CTNND2: variants seen among roughly 807,000 people sequenced by gnomAD.
CTNND2 encodes the protein catenin delta 2.
In CTNND2, 22 loss-of-function variants were observed where a neutral mutation model predicts 144.4. The observed-to-expected ratio is 0.15, with a 90% CI of 0.11 to 0.22. The LOEUF is 0.22. Ranked by LOEUF, CTNND2 falls within the 10% of genes least tolerant of loss-of-function variation. CTNND2 has a pLI of 1.00. For synonymous variants in CTNND2, 751 were observed against 695.6 expected (o/e 1.08, Z -1.25); for missense variants, 1,353 against 1,618.8 (o/e 0.84, Z 2.82).
chr5:11,541,165 G>A (rs1296199000), intron 3 of CTNND2, among the ~76,000 whole-genome samples: 1 of 152,164 alleles, frequency 6.6e-6, no homozygotes, highest in Admixed American at 6.5e-5. Context: ...TACTCCAAGA[G>A]CTGTAGACCC....
intron 2 of CTNND2, among the ~76,000 whole-genome samples, chr5:11,599,891 G>A (rs777583287): frequency 6.6e-6 from 1 of 151,966 alleles, no homozygotes; most frequent in Non-Finnish European, 1.5e-5. Context: ...CTCTTCTGTC[G>A]GCATTCTATG....
In CTNND2 at chr5:11,384,874, G is replaced by C; in HGVS notation, c.968C>G (p.Ser323Trp). Residue 323 changes from serine to tryptophan, a missense_variant, in exon 7 of 22, where the codon TCG becomes TGG. By Grantham distance (177) the Ser-to-Trp change is radical. Transcript: ENST00000304623. This position sits in a 1 kb window ranked among gnomAD's most constrained non-coding sequence, Gnocchi z 5.2. ...CACGCGGATCGGGGACAGGCCGGCC[G>C]AGGACACGACGATGTTGATGGGCGA... is the stretch of plus-strand genomic sequence containing the variant. ...TSSPINIVVS[S>W]AGLSPIRVTS... The C allele has an allele frequency of 6.2e-7, 1 of 1,612,028 alleles. No individual in the cohort carries two copies. The highest frequency in any genetic ancestry group is 8.5e-7 in the Non-Finnish European group (1 of 1,179,392).
rs989933743 is a variant in CTNND2 at position 10,994,944 on chromosome 5, C to T, written c.3085-2267G>A. 3.3e-5 allele frequency among the ~76,000 whole-genome samples: 5 copies of T among 151,982 alleles called. 1 individual carries two copies. Among genetic ancestry groups the T allele is most frequent in the South Asian group, 4.2e-4 (2 of 4,818 alleles). Reference sequence around the variant, plus strand: ...GTGGGAAAGAGGAATCAAGCCTTACCGCAGTGCTTCTGGTGTGAACCACAG... The same window carrying T: ...GTGGGAAAGAGGAATCAAGCCTTACTGCAGTGCTTCTGGTGTGAACCACAG... On this transcript the variant is annotated intron_variant, in intron 18 of 21. Transcript: ENST00000304623.
chr5:11,880,390 T>A (rs578060229), intron 1 of CTNND2, among the ~76,000 whole-genome samples: 1 of 151,908 alleles, frequency 6.6e-6, no homozygotes, highest in African/African-American at 2.4e-5. Context: ...AGATGGTAAT[T>A]TTAAAGAGTT....
chr5:11,069,678 AGAGAGAC>A (rs1748029738), intron 16 of CTNND2, among the ~76,000 whole-genome samples: 1 of 28,800 alleles, frequency 3.5e-5, no homozygotes, highest in Non-Finnish European at 6.3e-5. Context: ...ACAGACAGAC[AGAGAGAC>A]AGAGAGACAG....
intron 2 of CTNND2, among the ~76,000 whole-genome samples, chr5:11,692,600 C>CATTTT (rs371019441): frequency 3.3e-5 from 5 of 152,124 alleles, no homozygotes; most frequent in East Asian, 1.9e-4. Context: ...ACTAGGTCAA[C>CATTTT]ATTTTATTTT....
chr5:11,398,077 G>A (rs1760303268), intron 5 of CTNND2, among the ~76,000 whole-genome samples: 1 of 152,124 alleles, frequency 6.6e-6, no homozygotes, highest in Non-Finnish European at 1.5e-5. Flanking sequence ...GTGTGTTTGA[G>A]AGGGGCTGGG....
intron 1 of CTNND2, among the ~76,000 whole-genome samples, chr5:11,743,220 G>A (rs372447629): frequency 2.0e-5 from 3 of 152,142 alleles, no homozygotes; most frequent in Non-Finnish European, 2.9e-5. Context: ...ATATATGAAC[G>A]ATTAGAGTAA....
chr5:11,059,329 C>T (rs1035338073), intron 16 of CTNND2, among the ~76,000 whole-genome samples: 5 of 152,122 alleles, frequency 3.3e-5, no homozygotes, highest in African/African-American at 1.2e-4. Context: ...GTTCTCACAA[C>T]AGTGAATAAG....
chr5:11,321,800 T>C (rs1752061561), intron 9 of CTNND2, among the ~76,000 whole-genome samples: 1 of 152,112 alleles, frequency 6.6e-6, no homozygotes, highest in South Asian at 2.1e-4. Flanking sequence ...GATTCTTTCC[T>C]AGAGATTTTC....
At chr5:11,250,893 C>T (rs1743571039) in intron 9 of CTNND2, among the ~76,000 whole-genome samples, 1 of 152,076 alleles carries the variant, frequency 6.6e-6, no homozygotes, top group Non-Finnish European at 1.5e-5. Flanking sequence ...ACCATAAAGA[C>T]TAAGTGGCAG....
chr5:11,128,795 T>TAAA (rs372613635), intron 12 of CTNND2, among the ~76,000 whole-genome samples: 28,768 of 60,360 alleles, frequency 0.48, 7,647 homozygotes, highest in Non-Finnish European at 0.55. Flanking sequence ...TAAATATATA[T>TAAA]TATATATATA....
At chr5:11,508,380 G>A (rs558340523) in intron 3 of CTNND2, 6 of 152,206 alleles carry the variant, frequency 3.9e-5, no homozygotes, top group South Asian at 2.1e-4. Flanking sequence ...CCATGTTCCC[G>A]AGACTTCAGG....
intron 11 of CTNND2, among the ~76,000 whole-genome samples, chr5:11,199,208 A>G (rs1737177542): frequency 6.6e-6 from 1 of 152,128 alleles, no homozygotes; most frequent in African/African-American, 2.4e-5. Flanking sequence ...ACTGACAAAA[A>G]CTGTTCATGA....
rs574632622 is a variant in CTNND2 at position 11,229,467 on chromosome 5, G to A, written c.1761+7224C>T. On this transcript the variant is annotated intron_variant, in intron 10 of 21. Transcript: ENST00000304623. Reference sequence around the variant, plus strand: ...GCCCAGGAGTTCAAGGCTACAGCACGCTATGATTGCACACCACTGCACTCC... The same window carrying A: ...GCCCAGGAGTTCAAGGCTACAGCACACTATGATTGCACACCACTGCACTCC... Among the ~76,000 whole-genome samples, 6 of 152,180 alleles carry A rather than the reference G, an allele frequency of 3.9e-5. 1 individual carries two copies. The highest frequency in any genetic ancestry group is 1.4e-4 in the African/African-American group (6 of 41,528).
chr5:11,876,232 G>T (rs370477012), intron 1 of CTNND2, among the ~76,000 whole-genome samples: 1 of 148,348 alleles, frequency 6.7e-6, no homozygotes. Context: ...GGAGGCGGGA[G>T]GCAGCAGGGA....
chr5:11,084,332 G>A (rs771185020), intron 15 of CTNND2, among the ~76,000 whole-genome samples: 1 of 152,102 alleles, frequency 6.6e-6, no homozygotes, highest in Non-Finnish European at 1.5e-5. Flanking sequence ...GCATTTAACC[G>A]ACATGCTGAA....
In CTNND2 at chr5:10,972,456, C is replaced by A; in HGVS notation, c.*997G>T. 6.6e-6 allele frequency: 1 copy of A among 152,324 alleles called. No individual in the cohort carries two copies. The highest frequency in any genetic ancestry group is 1.9e-4 in the East Asian group (1 of 5,202). 9.4% of individuals were successfully genotyped at this position (152,324 alleles called of 1,614,324 possible). Reference sequence around the variant, plus strand: ...ACGTGGACATACATACACCCACACACACAGACACACAAGCAAGAATGTGTA... The same window carrying A: ...ACGTGGACATACATACACCCACACAAACAGACACACAAGCAAGAATGTGTA... On this transcript the variant is annotated 3_prime_UTR_variant, in exon 22 of 22. Transcript: ENST00000304623.
At chr5:11,632,610 A>C (rs1211568258) in intron 2 of CTNND2, among the ~76,000 whole-genome samples, 2 of 152,120 alleles carry the variant, frequency 1.3e-5, no homozygotes, top group African/African-American at 4.8e-5. Context: ...TAAAGGAAAA[A>C]CAACAACAAC....
Sources: gnomAD v4.1 joint callset for allele counts (sites outside exome capture counted in the v4.1 genomes callset) on GRCh38, gnomAD v4.1.1 for gene constraint, Gnocchi (gnomAD v3.1) non-coding constraint, MANE v1.5 for transcripts, NCBI Gene and HGNC (gene_info 2026-07-23, HGNC 2026-07-21) for gene names.